TMCO4: variants seen among roughly 807,000 people sequenced by gnomAD.
The protein encoded by TMCO4 is transmembrane and coiled-coil domains 4.
In TMCO4, 58 loss-of-function variants were observed where a neutral mutation model predicts 64.7. That is an observed-to-expected ratio of 0.90 (90% confidence interval 0.73 to 1.12). The LOEUF (loss-of-function observed/expected upper bound fraction) is 1.12. Ranked by LOEUF, TMCO4 falls within the 50% of genes most tolerant of loss-of-function variation. The pLI, the probability that TMCO4 is intolerant of heterozygous loss-of-function variation, is 0.00. For synonymous variants in TMCO4, 325 were observed against 346.1 expected, an observed-to-expected ratio of 0.94 and a Z score of 0.68; for missense variants, 780 against 825.9, an observed-to-expected ratio of 0.94 and a Z score of 0.68.
chr1:19,707,742 G>C (rs2095309687), intron 13 of TMCO4, among the ~76,000 whole-genome samples: 1 of 152,204 alleles, frequency 6.6e-6, no homozygotes, highest in Non-Finnish European at 1.5e-5. Context: ...ACCTACCTGA[G>C]ACTGGGTAAT....
At chr1:19,683,877 C>T (rs1241504930) in intron 15 of TMCO4, among the ~76,000 whole-genome samples, 1 of 148,620 alleles carries the variant, frequency 6.7e-6, no homozygotes, top group Non-Finnish European at 1.5e-5. Flanking sequence ...ATCTTCTTGC[C>T]TCAGCCTCCT....
chr1:19,714,100 CTA>C (rs1385171061), intron 13 of TMCO4, among the ~76,000 whole-genome samples: 1 of 136,942 alleles, frequency 7.3e-6, no homozygotes, highest in African/African-American at 2.7e-5. Flanking sequence ...CCACATCTAA[CTA>C]ATTTTTATAT....
At chr1:19,708,734 C>T (rs904428972) in intron 13 of TMCO4, among the ~76,000 whole-genome samples, 2 of 152,160 alleles carry the variant, frequency 1.3e-5, no homozygotes, top group African/African-American at 4.8e-5. Context: ...TTAGCTGCCA[C>T]TCAGAAATCT....
chr1:19,735,126 C>T (rs1461513719), intron 13 of TMCO4, among the ~76,000 whole-genome samples: 3 of 150,400 alleles, frequency 2.0e-5, no homozygotes, highest in South Asian at 2.1e-4. Context: ...GGCTGGAGAG[C>T]GGACACAAAA....
intron 2 of TMCO4, among the ~76,000 whole-genome samples, chr1:19,789,610 A>T (rs947195268): frequency 6.6e-6 from 1 of 152,102 alleles, no homozygotes; most frequent in Non-Finnish European, 1.5e-5. Flanking sequence ...GTAGAAAAAA[A>T]CCCTTTTAAT....
intron 13 of TMCO4, among the ~76,000 whole-genome samples, chr1:19,715,608 T>C (rs2095351845): frequency 6.6e-6 from 1 of 152,204 alleles, no homozygotes; most frequent in Admixed American, 6.5e-5. Flanking sequence ...TCTCAGGATA[T>C]AGGAGCAGCT....
chr1:19,696,260 T>C (rs2095236085), intron 14 of TMCO4, among the ~76,000 whole-genome samples: 1 of 152,204 alleles, frequency 6.6e-6, no homozygotes, highest in Admixed American at 6.5e-5. Context: ...TGTCTAAGAA[T>C]GGACGGTTGC....
chr1:19,710,688 C>A (rs539308840), intron 13 of TMCO4, among the ~76,000 whole-genome samples: 47 of 152,294 alleles, frequency 3.1e-4, no homozygotes, highest in African/African-American at 1.1e-3. Flanking sequence ...CTTCCCTTTG[C>A]AATCAAATAA....
At chr1:19,730,776 G>C (rs986355273) in intron 13 of TMCO4, among the ~76,000 whole-genome samples, 2 of 152,212 alleles carry the variant, frequency 1.3e-5, no homozygotes, top group African/African-American at 4.8e-5. Context: ...AGTTTTGTTA[G>C]GGGCAGTGGA....
At chr1:19,721,272 G>A (rs2095381771) in intron 13 of TMCO4, among the ~76,000 whole-genome samples, 3 of 148,368 alleles carry the variant, frequency 2.0e-5, no homozygotes, top group Admixed American at 6.7e-5. Context: ...GAAAAGATAC[G>A]CTCCTGCAGA....
At chr1:19,719,102 C>T (rs2095370138) in intron 13 of TMCO4, among the ~76,000 whole-genome samples, 1 of 152,198 alleles carries the variant, frequency 6.6e-6, no homozygotes, top group Non-Finnish European at 1.5e-5. Context: ...CCTGACACAT[C>T]TCTGTTCAAT....
At chr1:19,707,870 T>C (rs1333609334) in intron 13 of TMCO4, among the ~76,000 whole-genome samples, 1 of 152,128 alleles carries the variant, frequency 6.6e-6, no homozygotes, top group Non-Finnish European at 1.5e-5. Flanking sequence ...CAAGCTTGTC[T>C]TCCCATGGTG....
At chr1:19,791,499 A>G (rs11589077) in intron 2 of TMCO4, among the ~76,000 whole-genome samples, 137,190 of 152,180 alleles carry the variant, frequency 0.9, 61,949 homozygotes, top group African/African-American at 0.93. Context: ...CTGCACAAGC[A>G]TGGGGGCAGC....
intron 13 of TMCO4, among the ~76,000 whole-genome samples, chr1:19,729,223 C>T (rs2095420357): frequency 6.6e-6 from 1 of 151,900 alleles, no homozygotes; most frequent in African/African-American, 2.4e-5. Flanking sequence ...AATCTCGGCT[C>T]ACTGCAACCT....
intron 15 of TMCO4, among the ~76,000 whole-genome samples, chr1:19,688,530 A>T (rs1182564236): frequency 6.6e-6 from 1 of 152,130 alleles, no homozygotes; most frequent in Admixed American, 6.5e-5. Context: ...AGAGACCTAT[A>T]CCACGTGGGC....
chr1:19,693,759 C>A (rs1443800725), intron 15 of TMCO4, among the ~76,000 whole-genome samples: 1 of 152,218 alleles, frequency 6.6e-6, no homozygotes. Context: ...CTTTCCACAG[C>A]CTAGCAGGCA....
chr1:19,772,916 G>A (rs116742121), intron 4 of TMCO4, among the ~76,000 whole-genome samples: 2,377 of 152,298 alleles, frequency 0.016, 66 homozygotes, highest in African/African-American at 0.054. Flanking sequence ...TCAGCCGGGC[G>A]CAGTGGCTCA....
chr1:19,741,010 G>A, intron 10 of TMCO4, 69 bp from the exon 11 acceptor site: 1 of 1,472,844 alleles, frequency 6.8e-7, no homozygotes, highest in Non-Finnish European at 9.1e-7. Context: ...CAGTACCCCA[G>A]ACAAGGAGCA....
chr1:19,688,817 A>G (rs2095169979), intron 15 of TMCO4, among the ~76,000 whole-genome samples: 1 of 152,170 alleles, frequency 6.6e-6, no homozygotes, highest in Non-Finnish European at 1.5e-5. Flanking sequence ...GGTTATTATC[A>G]AGTATCTACT....
Sources: gnomAD v4.1 joint callset for allele counts (sites outside exome capture counted in the v4.1 genomes callset) on GRCh38, gnomAD v4.1.1 for gene constraint, MANE v1.5 for transcripts, NCBI Gene and HGNC (gene_info 2026-07-23, HGNC 2026-07-21) for gene names.